The following TTC7B variants were observed in gnomAD, a reference collection of about 807,000 sequenced individuals.
The protein encoded by TTC7B is tetratricopeptide repeat domain 7B.
Under a neutral mutation model 106.8 loss-of-function variants are expected in TTC7B, and 28 were observed. The ratio of observed to expected loss-of-function variants is 0.26; its 90% CI spans 0.19 to 0.36. The LOEUF (loss-of-function observed/expected upper bound fraction) is 0.36, where lower values mean the gene tolerates loss of function less well. Among genes scored for constraint, TTC7B ranks in the 10% least tolerant of loss-of-function variants. The pLI, the probability that TTC7B is intolerant of heterozygous loss-of-function variation, is 1.00. For missense variants in TTC7B, 862 were observed against 1,076.4 expected (o/e 0.80, Z 2.79); for synonymous variants, 405 against 430.6 (o/e 0.94, Z 0.74).
chr14:90,672,290 T>C (rs978429861), intron 9 of TTC7B, among the ~76,000 whole-genome samples: 2 of 152,138 alleles, frequency 1.3e-5, no homozygotes, highest in Non-Finnish European at 2.9e-5. Context: ...TAAAAGAAGA[T>C]CTAGCAAGGT....
At chr14:90,619,601 C>T (rs564242302) in intron 15 of TTC7B, among the ~76,000 whole-genome samples, 3 of 152,252 alleles carry the variant, frequency 2.0e-5, no homozygotes, top group East Asian at 3.9e-4. Context: ...TCCTGCTGAC[C>T]GAAGGCATCC....
rs774719718 is a variant in TTC7B at position 90,610,812 on chromosome 14, T to A, written c.1896A>T (p.Leu632Phe). ...PSDSGRGSSL[L>F]DRTIADRRQL... Reference sequence around the variant, plus strand: ...GTCGTCTGTCAGCAATGGTTCTATCTAAGAGGCTGCTCCCACGTCCAGAAT... The same window carrying A: ...GTCGTCTGTCAGCAATGGTTCTATCAAAGAGGCTGCTCCCACGTCCAGAAT... The change falls in exon 17 of 20, where the codon TTA becomes TTT. Residue 632 changes from leucine (L) to phenylalanine (F), a missense_variant. Physicochemically the swap from Leu to Phe is conservative, Grantham distance 22. Coordinates refer to ENST00000328459, the MANE Select transcript of TTC7B (RefSeq NM_001010854.2). 3.1e-6 allele frequency: 5 copies of A among 1,613,934 alleles called. No homozygotes were observed. Among genetic ancestry groups the A allele is most frequent in the Non-Finnish European group, 4.2e-6 (5 of 1,179,830 alleles).
intron 2 of TTC7B, among the ~76,000 whole-genome samples, chr14:90,783,549 G>A (rs1175664282): frequency 1.3e-5 from 2 of 152,188 alleles, no homozygotes; most frequent in Non-Finnish European, 2.9e-5. Flanking sequence ...GCCTGCAGCT[G>A]AGAAACATGA....
chr14:90,765,767 C>A (rs1170497457), intron 3 of TTC7B, among the ~76,000 whole-genome samples: 1 of 152,160 alleles, frequency 6.6e-6, no homozygotes, highest in East Asian at 1.9e-4. Flanking sequence ...AGCACCCTGT[C>A]CTCCAAATAT....
intron 18 of TTC7B, among the ~76,000 whole-genome samples, chr14:90,588,347 G>A (rs1282441110): frequency 3.2e-4 from 49 of 152,242 alleles, no homozygotes; most frequent in Admixed American, 3.2e-3. Flanking sequence ...TCAACCATGA[G>A]AGGTGCCAAA....
At chr14:90,764,930 C>T (rs2140020343) in intron 3 of TTC7B, among the ~76,000 whole-genome samples, 1 of 152,194 alleles carries the variant, frequency 6.6e-6, no homozygotes, top group Non-Finnish European at 1.5e-5. Context: ...AATAATCCCA[C>T]CCCTAAGTAT....
At chr14:90,749,466 C>T (rs569443381) in intron 3 of TTC7B, among the ~76,000 whole-genome samples, 57 of 147,364 alleles carry the variant, frequency 3.9e-4, no homozygotes, top group African/African-American at 1.1e-3. Flanking sequence ...AGTGCAATGG[C>T]GCAATCTCAG....
At chr14:90,591,145 A>T (rs1042591068) in intron 18 of TTC7B, among the ~76,000 whole-genome samples, 2 of 152,126 alleles carry the variant, frequency 1.3e-5, no homozygotes, top group Non-Finnish European at 2.9e-5. Context: ...TTCGAGACCA[A>T]GCCTGGCCAA....
chr14:90,620,648 C>T (rs1893273729), intron 15 of TTC7B, among the ~76,000 whole-genome samples: 1 of 152,156 alleles, frequency 6.6e-6, no homozygotes, highest in Admixed American at 6.5e-5. Flanking sequence ...CAAGAACTCC[C>T]CTCCAATGGC....
intron 19 of TTC7B, among the ~76,000 whole-genome samples, chr14:90,559,765 C>T (rs1366485733): frequency 1.3e-5 from 2 of 152,226 alleles, no homozygotes; most frequent in African/African-American, 4.8e-5. Flanking sequence ...TGCTAAGAAC[C>T]GTGTTGAACC....
At chr14:90,706,015 C>T (rs918478894) in intron 5 of TTC7B, among the ~76,000 whole-genome samples, 1 of 152,136 alleles carries the variant, frequency 6.6e-6, no homozygotes, top group Non-Finnish European at 1.5e-5. Flanking sequence ...AGGGTCGATC[C>T]CTTTGGCAAG....
intron 15 of TTC7B, among the ~76,000 whole-genome samples, chr14:90,621,516 CTGG>C (rs1401508056): frequency 1.3e-5 from 2 of 151,992 alleles, no homozygotes; most frequent in African/African-American, 4.8e-5. Flanking sequence ...GTGGGTACGG[CTGG>C]GATGATGGGC....
In TTC7B at chr14:90,550,667, G is replaced by A. The variant is rs1026595310; in HGVS notation, c.2311-9078C>T. On this transcript the variant is annotated intron_variant, in intron 19 of 19. Transcript: ENST00000328459. ...TATTAGTGACTCCGAGAGGAGGGGG[G>A]GCCCTTCCGTGATGCCAGTAGTTGG... Among the ~76,000 whole-genome samples the A allele has an allele frequency of 3.3e-5, 5 of 152,056 alleles. No homozygotes were observed. In the South Asian group the frequency reaches 8.3e-4, roughly 25 times the overall value.
At chr14:90,594,488 C>T (rs577982891) in intron 17 of TTC7B, among the ~76,000 whole-genome samples, 1 of 152,244 alleles carries the variant, frequency 6.6e-6, no homozygotes, top group African/African-American at 2.4e-5. Context: ...CCAACATTCA[C>T]TCTTGGAGAT....
chr14:90,673,325 C>CATGT (rs2139919851), intron 9 of TTC7B, among the ~76,000 whole-genome samples: 1 of 152,230 alleles, frequency 6.6e-6, no homozygotes, highest in Admixed American at 6.5e-5. Flanking sequence ...CCATATTTTG[C>CATGT]ATGTATTGTT....
intron 5 of TTC7B, among the ~76,000 whole-genome samples, chr14:90,719,108 A>G (rs1454960854): frequency 6.6e-6 from 1 of 152,024 alleles, no homozygotes; most frequent in Admixed American, 6.6e-5. Context: ...AAACAAACAA[A>G]CAAACAAAAA....
intron 5 of TTC7B, among the ~76,000 whole-genome samples, chr14:90,702,282 T>G (rs1160747993): frequency 6.6e-6 from 1 of 152,102 alleles, no homozygotes; most frequent in Non-Finnish European, 1.5e-5. Flanking sequence ...CAGTAACAAC[T>G]GTATTGCCCT....
chr14:90,598,538 C>CCAGGAACCAA (rs1366362042), intron 17 of TTC7B, among the ~76,000 whole-genome samples: 1 of 152,120 alleles, frequency 6.6e-6, no homozygotes, highest in African/African-American at 2.4e-5. Flanking sequence ...GCCAAGAGGA[C>CCAGGAACCAA]CAGGAACCAA....
At chr14:90,721,898 A>T (rs903844922) in intron 5 of TTC7B, among the ~76,000 whole-genome samples, 3 of 152,262 alleles carry the variant, frequency 2.0e-5, no homozygotes, top group Non-Finnish European at 2.9e-5. Context: ...TTTGTTGAAT[A>T]ATTAGTGAAC....
Sources: allele counts gnomAD v4.1 joint callset (sites outside exome capture counted in the v4.1 genomes callset), GRCh38; gene constraint gnomAD v4.1.1; transcripts MANE v1.5; gene names NCBI Gene and HGNC (gene_info 2026-07-23, HGNC 2026-07-21).